Variants in POU2F3 observed in about 807,000 individuals in gnomAD.
POU2F3 encodes the protein POU domain, class 2, transcription factor 3.
POU2F3 carries 23 observed loss-of-function variants against 59.2 expected under a neutral mutation model. The ratio of observed to expected loss-of-function variants is 0.39; its 90% CI spans 0.28 to 0.55. The LOEUF is 0.55. POU2F3 is among the 20% of genes least tolerant of loss of function. The probability of loss-of-function intolerance (pLI) is 0.66; values close to 1 mark genes in which losing one functional copy is unlikely to be tolerated. For synonymous variants in POU2F3, 190 were observed against 214.6 expected, an observed-to-expected ratio of 0.89 and a Z score of 1.00; for missense variants, 473 against 544.5, an observed-to-expected ratio of 0.87 and a Z score of 1.31.
At chr11:120,282,911 G>A (rs958987592) in intron 3 of POU2F3, among the ~76,000 whole-genome samples, 3 of 152,136 alleles carry the variant, frequency 2.0e-5, no homozygotes, top group African/African-American at 4.8e-5. Flanking sequence ...TGGGTTTTGC[G>A]GGCCACTTAT....
intron 2 of POU2F3, chr11:120,253,787 A>G (rs1042371474): frequency 2.0e-5 from 3 of 152,274 alleles, no homozygotes; most frequent in African/African-American, 4.8e-5. Context: ...TGCGTTGTGT[A>G]TTAGAAAGTC....
chr11:120,307,900 G>C (rs1941543613), intron 9 of POU2F3, among the ~76,000 whole-genome samples: 1 of 152,190 alleles, frequency 6.6e-6, no homozygotes, highest in South Asian at 2.1e-4. Flanking sequence ...TGGGCTATAG[G>C]GTCCCAGAAC....
intron 2 of POU2F3, among the ~76,000 whole-genome samples, chr11:120,252,073 C>A (rs567821459): frequency 6.6e-6 from 1 of 151,816 alleles, no homozygotes; most frequent in East Asian, 1.9e-4. Flanking sequence ...GGATTACAGG[C>A]GTGAGCCACC....
chr11:120,255,703 G>C (rs1232100866), intron 2 of POU2F3, among the ~76,000 whole-genome samples: 1 of 152,118 alleles, frequency 6.6e-6, no homozygotes, highest in Non-Finnish European at 1.5e-5. Context: ...GTGGTTGGAG[G>C]AGTCGGCGCT....
intron 10 of POU2F3, among the ~76,000 whole-genome samples, chr11:120,311,357 A>T (rs1941644208): frequency 6.6e-6 from 1 of 152,194 alleles, no homozygotes; most frequent in South Asian, 2.1e-4. Context: ...ATGGGACTGC[A>T]GGTATCCAGC....
chr11:120,304,161 C>T lies in POU2F3; in HGVS notation c.445-869C>T, dbSNP rs117162273. 1,374 of 151,972 alleles carry T rather than the reference C, an allele frequency of 9.0e-3. 6 individuals are homozygous for T. Among genetic ancestry groups the T allele is most frequent in the Middle Eastern group, 0.017 (5 of 294 alleles). 9.4% of individuals were successfully genotyped at this position (151,972 alleles called of 1,614,324 possible). On this transcript the variant is annotated intron_variant, in intron 6 of 12. Transcript: ENST00000543440. The stretch of plus-strand genomic sequence containing the variant: ...CCAGCTTGGGCAACATGGTGAAGCC[C>T]TGTCTCTAAAAAAACAAAAGTTAGC...
intron 3 of POU2F3, among the ~76,000 whole-genome samples, chr11:120,288,119 C>CA (rs202111823): frequency 1.6e-3 from 19 of 12,230 alleles, no homozygotes; most frequent in Non-Finnish European, 2.4e-3. Flanking sequence ...AGAAAACAAA[C>CA]AAAAAAACCA....
chr11:120,299,074 G>A (rs796302072), intron 4 of POU2F3, among the ~76,000 whole-genome samples: 23 of 152,282 alleles, frequency 1.5e-4, no homozygotes, highest in African/African-American at 5.5e-4. Flanking sequence ...CTATGTCCTG[G>A]GCTGGTAGGA....
At chr11:120,246,664 G>T in intron 2 of POU2F3, 147 bp downstream of exon 2, 1 of 755,754 alleles carries the variant, frequency 1.3e-6, no homozygotes, top group Non-Finnish European at 2.2e-6. Flanking sequence ...ATTCCCTGAG[G>T]ACATGGGATA....
intron 2 of POU2F3, among the ~76,000 whole-genome samples, chr11:120,267,277 C>T (rs1384420576): frequency 6.6e-6 from 1 of 152,016 alleles, no homozygotes; most frequent in African/African-American, 2.4e-5. Flanking sequence ...TACAGGTGCC[C>T]ATCACCATGC....
At chr11:120,307,947 C>G (rs566752050) in intron 9 of POU2F3, among the ~76,000 whole-genome samples, 3 of 152,234 alleles carry the variant, frequency 2.0e-5, no homozygotes, top group African/African-American at 7.2e-5. Flanking sequence ...GTAAAGGGAG[C>G]AAAGTCAGGG....
At chr11:120,263,297 T>G (rs553966127) in intron 2 of POU2F3, among the ~76,000 whole-genome samples, 12 of 152,284 alleles carry the variant, frequency 7.9e-5, no homozygotes, top group African/African-American at 2.9e-4. Context: ...GCCTACCATC[T>G]TAACCATTTC....
chr11:120,299,603 T>C, intron 4 of POU2F3, 21 bp from the exon 5 acceptor site: 1 of 1,605,648 alleles, frequency 6.2e-7, no homozygotes, highest in Non-Finnish European at 8.5e-7. Context: ...CTGTGGTGTA[T>C]GTGTATCTCT....
At chr11:120,310,271 TC>T (rs1941619273) in intron 10 of POU2F3, among the ~76,000 whole-genome samples, 4 of 152,208 alleles carry the variant, frequency 2.6e-5, no homozygotes, top group African/African-American at 9.6e-5. Context: ...CATGATGTGC[TC>T]AGATATGGAA....
At chr11:120,246,304 T>C (rs1163007732) in intron 1 of POU2F3, 145 bp from the exon 2 acceptor site, 2 of 827,756 alleles carry the variant, frequency 2.4e-6, no homozygotes, top group Non-Finnish European at 4.0e-6. Context: ...AATATTCTAA[T>C]GGTTGTATGT....
intron 2 of POU2F3, among the ~76,000 whole-genome samples, chr11:120,249,393 C>T (rs1939005839): frequency 1.3e-5 from 2 of 152,190 alleles, no homozygotes; most frequent in Non-Finnish European, 2.9e-5. Context: ...GTCGCCCAGG[C>T]TGGAGTGCAG....
chr11:120,269,303 T>C, intron 3 of POU2F3, 59 bp downstream of exon 3: 1 of 1,345,626 alleles, frequency 7.4e-7, no homozygotes, highest in South Asian at 1.2e-5. Context: ...TCACCTATAC[T>C]GTCTGGTATG....
chr11:120,302,688 T>G (rs1229157567), intron 6 of POU2F3: 1 of 291,694 alleles, frequency 3.4e-6, no homozygotes, highest in African/African-American at 2.2e-5. Context: ...AGCTCACTTC[T>G]CAGGCATACC....
chr11:120,290,579 T>C (rs557333006), intron 3 of POU2F3, among the ~76,000 whole-genome samples: 214 of 152,302 alleles, frequency 1.4e-3, no homozygotes, highest in African/African-American at 5.0e-3. Context: ...TTCCTAGCTG[T>C]GTGATGTTGG....
Sources: allele counts gnomAD v4.1 joint callset (sites outside exome capture counted in the v4.1 genomes callset), GRCh38; gene constraint gnomAD v4.1.1; transcripts MANE v1.5; gene names NCBI Gene and HGNC (gene_info 2026-07-23, HGNC 2026-07-21).